Variants in PPP2R2A observed in about 807,000 individuals in gnomAD.
PPP2R2A encodes protein phosphatase 2 regulatory subunit Balpha.
A neutral mutation model predicts 53.2 loss-of-function variants in PPP2R2A; 9 were observed. The ratio of observed to expected loss-of-function variants is 0.17; its 90% CI spans 0.10 to 0.30. The LOEUF (loss-of-function observed/expected upper bound fraction) is 0.30. Among genes scored for constraint, PPP2R2A ranks in the 10% least tolerant of loss-of-function variants. The probability of loss-of-function intolerance (pLI) is 1.00; values close to 1 mark genes in which losing one functional copy is unlikely to be tolerated. For synonymous variants in PPP2R2A, 169 were observed against 174.2 expected (o/e 0.97, Z 0.23); for missense variants, 235 against 534.6 (o/e 0.44, Z 5.53).
At chr8:26,292,336 A>C in intron 1 of PPP2R2A, 1 of 986,494 alleles carries the variant, frequency 1.0e-6, no homozygotes, top group Non-Finnish European at 1.2e-6. Context: ...TTTTTTCCCC[A>C]CTGTAGATGC....
chr8:26,372,159 C>G lies in PPP2R2A; in HGVS notation c.*1746C>G, dbSNP rs1453177961. On this transcript the variant is annotated 3_prime_UTR_variant, in exon 10 of 10. Transcript: ENST00000380737. ...ATTTTATGTAATAAAATTACTGTAT[C>G]TTTTGGATTTAACAAATTTGTATTT... 1 of 152,112 alleles carries G rather than the reference C, an allele frequency of 6.6e-6. No homozygotes were observed. 9.4% of individuals were successfully genotyped at this position (152,112 alleles called of 1,614,324 possible). A position where few individuals can be genotyped will look rare whatever the true frequency, so the allele number is the denominator to read the frequency against.
chr8:26,366,326 C>T lies in PPP2R2A; in HGVS notation c.984C>T (p.Tyr328=), dbSNP rs748781304. ...RPVETYQVHE[Y]LRSKLCSLYE... is the part of the protein sequence containing the mutation. ...TATTTTTCCCCCAGGTGCATGAATA[C>T]CTCAGAAGTAAACTCTGTTCACTGT... The change falls in exon 9 of 10, where the codon TAC becomes TAT. Residue 328 remains tyrosine, a synonymous_variant. Coordinates refer to ENST00000380737, the MANE Select transcript of PPP2R2A (RefSeq NM_002717.4). The T allele has an allele frequency of 2.5e-6, 4 of 1,600,632 alleles. No individual in the cohort carries two copies. The Admixed American group carries it at 5.3e-5, about 21-fold the overall frequency.
chr8:26,342,409 T>C (rs1183160488), intron 3 of PPP2R2A, among the ~76,000 whole-genome samples: 1 of 152,240 alleles, frequency 6.6e-6, no homozygotes, highest in East Asian at 1.9e-4. Flanking sequence ...TCCAAACAGC[T>C]ATTAAAGTGG....
In PPP2R2A at chr8:26,370,216, C is replaced by T. The variant is rs1278409961; in HGVS notation, c.1147C>T (p.Arg383Trp). 4.3e-6 allele frequency: 7 copies of T among 1,613,972 alleles called. No individual in the cohort carries two copies. The highest frequency in any genetic ancestry group is 1.3e-5 in the African/African-American group (1 of 74,880). Residue 383 changes from arginine (R) to tryptophan (W), a missense_variant, in exon 10 of 10, where the codon CGG (arginine) becomes TGG (tryptophan). By Grantham distance (101) the Arg-to-Trp change is moderately radical. Coordinates refer to ENST00000380737, the MANE Select transcript of PPP2R2A (RefSeq NM_002717.4). The surrounding 1 kb of genome is among the most constrained non-coding windows in gnomAD (Gnocchi z 6.1). Reference protein sequence around the residue: ...TKRDITLEASRENNKPRTVLK... With the variant: ...TKRDITLEASWENNKPRTVLK... ...GCGAGACATAACCCTAGAAGCATCG[C>T]GGGAAAACAATAAGCCTCGCACAGT...
chr8:26,363,228 A>G (rs1444307609), intron 7 of PPP2R2A: 1 of 154,634 alleles, frequency 6.5e-6, no homozygotes, highest in Admixed American at 6.7e-5. Flanking sequence ...AAAAAAAAAA[A>G]ACAACTTTGG....
chr8:26,331,619 T>C (rs921622644), intron 2 of PPP2R2A, among the ~76,000 whole-genome samples: 2 of 152,230 alleles, frequency 1.3e-5, no homozygotes, highest in African/African-American at 2.4e-5. Flanking sequence ...ATACGAGTTA[T>C]TATAGCCAGC....
At chr8:26,347,752 C>T (rs896640286) in intron 3 of PPP2R2A, among the ~76,000 whole-genome samples, 5 of 152,068 alleles carry the variant, frequency 3.3e-5, no homozygotes, top group Non-Finnish European at 7.4e-5. Flanking sequence ...GTGACTGATA[C>T]GCTTCCAAAT....
At chr8:26,300,289 A>G (rs1200414617) in intron 2 of PPP2R2A, among the ~76,000 whole-genome samples, 1 of 152,216 alleles carries the variant, frequency 6.6e-6, no homozygotes, top group African/African-American at 2.4e-5. Flanking sequence ...CAGAATGATG[A>G]GAGGTTGAAG....
At position 26,360,743 on chromosome 8, in the gene PPP2R2A, T is replaced by A. The variant is rs1404134208; in HGVS notation, c.460-231T>A. ...CAAGCAAAATATTGAAACTAAGAAC[T>A]GCAAATTCTAATAGTATTGCAACCA... On this transcript the variant is annotated intron_variant, in intron 5 of 9. Transcript: ENST00000380737. This position sits in a 1 kb window ranked among gnomAD's most constrained non-coding sequence, Gnocchi z 4.5. 8.8e-6 allele frequency: 4 copies of A among 454,700 alleles called. No homozygotes were observed. Among genetic ancestry groups the A allele is most frequent in the Non-Finnish European group, 1.5e-5 (4 of 262,350 alleles). The allele number at this position is 454,700 out of a possible 1,614,324, so 28.2% of individuals were successfully genotyped here. A position where few individuals can be genotyped will look rare whatever the true frequency, so the allele number is the denominator to read the frequency against.
intron 2 of PPP2R2A, among the ~76,000 whole-genome samples, chr8:26,314,159 C>A (rs982258392): frequency 2.6e-5 from 4 of 152,184 alleles, no homozygotes; most frequent in African/African-American, 9.7e-5. Context: ...AGTTCTCCAT[C>A]ATGTTTCAGT....
intron 2 of PPP2R2A, among the ~76,000 whole-genome samples, chr8:26,306,112 G>A (rs1185856358): frequency 2.0e-5 from 3 of 151,946 alleles, no homozygotes; most frequent in African/African-American, 7.3e-5. Context: ...GTTAGAGGTT[G>A]CAGTGAGCCG....
chr8:26,317,211 T>G (rs1269651244), intron 2 of PPP2R2A, among the ~76,000 whole-genome samples: 4 of 152,188 alleles, frequency 2.6e-5, no homozygotes, highest in Non-Finnish European at 5.9e-5. Context: ...ACTTGCCCCT[T>G]TTATTCTGAA....
intron 2 of PPP2R2A, among the ~76,000 whole-genome samples, chr8:26,305,272 G>T (rs910178144): frequency 1.3e-5 from 2 of 152,138 alleles, no homozygotes; most frequent in African/African-American, 4.8e-5. Context: ...ATAGACCATT[G>T]TGTGTATATA....
At chr8:26,293,318 T>G in intron 1 of PPP2R2A, 1 of 1,488,938 alleles carries the variant, frequency 6.7e-7, no homozygotes, top group East Asian at 2.5e-5. Flanking sequence ...TGCAGGCTTT[T>G]TGTACACTTA....
chr8:26,325,361 G>A (rs1016144883), intron 2 of PPP2R2A, among the ~76,000 whole-genome samples: 4 of 151,938 alleles, frequency 2.6e-5, no homozygotes, highest in African/African-American at 7.3e-5. Context: ...TTCTCTTGCC[G>A]CCGCCATGTA....
chr8:26,293,107 A>G (rs1801380343), intron 1 of PPP2R2A: 1 of 795,434 alleles, frequency 1.3e-6, no homozygotes, highest in Non-Finnish European at 1.9e-6. Flanking sequence ...CTTTAGCAGC[A>G]TTCATTTCGG....
rs376622121 is a variant in PPP2R2A at position 26,321,174 on chromosome 8, GAGTA to G, written c.83-17712_83-17709del. Among the ~76,000 whole-genome samples the G allele has an allele frequency of 2.6e-5, 4 of 152,200 alleles. No individual in the cohort carries two copies. Among genetic ancestry groups the G allele is most frequent in the African/African-American group, 9.7e-5 (4 of 41,444 alleles). Reference sequence around the variant, plus strand: ...TTCTGTGGTTGTGAAGCGCTAGTAGGAGTAAGTGACAGGACCTACTTTGAATAGC... The same window carrying G: ...TTCTGTGGTTGTGAAGCGCTAGTAGGAGTGACAGGACCTACTTTGAATAGC... On this transcript the variant is annotated intron_variant, in intron 2 of 9. Coordinates refer to ENST00000380737, the MANE Select transcript of PPP2R2A (RefSeq NM_002717.4). This position sits in a 1 kb window ranked among gnomAD's most constrained non-coding sequence, Gnocchi z 4.1.
chr8:26,348,522 T>G (rs1373574904), intron 3 of PPP2R2A, among the ~76,000 whole-genome samples: 2 of 152,212 alleles, frequency 1.3e-5, no homozygotes, highest in African/African-American at 2.4e-5. Context: ...AACCACTGAA[T>G]TTTGTATTTA....
chr8:26,351,516 T>G (rs1355348525), intron 3 of PPP2R2A, among the ~76,000 whole-genome samples: 1 of 152,216 alleles, frequency 6.6e-6, no homozygotes, highest in African/African-American at 2.4e-5. Context: ...ACAGACTATT[T>G]CCATCATTGC....
Sources: allele counts gnomAD v4.1 joint callset (sites outside exome capture counted in the v4.1 genomes callset), GRCh38; gene constraint gnomAD v4.1.1; non-coding constraint Gnocchi (gnomAD v3.1); transcripts MANE v1.5; gene names NCBI Gene and HGNC (gene_info 2026-07-23, HGNC 2026-07-21).